SPOCK3: variants seen among roughly 807,000 people sequenced by gnomAD.
SPOCK3 encodes testican-3.
A neutral mutation model predicts 56.6 loss-of-function variants in SPOCK3; 30 were observed. The observed-to-expected ratio is 0.53, with a 90% CI of 0.40 to 0.72. The LOEUF is 0.72. SPOCK3 is among the 30% of genes least tolerant of loss of function. The pLI, the probability that SPOCK3 is intolerant of heterozygous loss-of-function variation, is 0.00. For synonymous variants in SPOCK3, 196 were observed against 183.3 expected (o/e 1.07, Z -0.56); for missense variants, 527 against 530.0 (o/e 0.99, Z 0.06).
At chr4:166,985,599 A>G (rs1747066163) in intron 4 of SPOCK3, among the ~76,000 whole-genome samples, 1 of 152,162 alleles carries the variant, frequency 6.6e-6, no homozygotes, top group African/African-American at 2.4e-5. Context: ...AACCTGTTCT[A>G]CAATATTACA....
At chr4:167,133,810 T>C (rs1275248629) in intron 2 of SPOCK3, among the ~76,000 whole-genome samples, 1 of 152,006 alleles carries the variant, frequency 6.6e-6, no homozygotes, top group Non-Finnish European at 1.5e-5. Flanking sequence ...ATTAGTAAGG[T>C]TGTGTCCAAA....
At chr4:166,971,447 C>CAAA (rs1195051879) in intron 4 of SPOCK3, among the ~76,000 whole-genome samples, 24 of 151,162 alleles carry the variant, frequency 1.6e-4, no homozygotes, top group Non-Finnish European at 2.4e-4. Context: ...ACATTCATGT[C>CAAA]TGTGGCTTTT....
intron 2 of SPOCK3, among the ~76,000 whole-genome samples, chr4:167,158,898 G>A (rs1162038064): frequency 1.3e-5 from 2 of 151,896 alleles, no homozygotes; most frequent in Admixed American, 6.6e-5. Context: ...AAAGATCTCA[G>A]TAACAGTAAA....
intron 7 of SPOCK3, among the ~76,000 whole-genome samples, chr4:166,766,274 A>C (rs1197781472): frequency 2.0e-5 from 3 of 152,336 alleles, no homozygotes; most frequent in African/African-American, 7.2e-5. Context: ...CCAGTTTTCA[A>C]AGGGAATGCT....
At chr4:166,821,530 T>C (rs1205423133) in intron 6 of SPOCK3, among the ~76,000 whole-genome samples, 34 of 152,054 alleles carry the variant, frequency 2.2e-4, no homozygotes. Flanking sequence ...GTGGAACCTA[T>C]CCAATTTTCA....
intron 7 of SPOCK3, among the ~76,000 whole-genome samples, chr4:166,782,806 A>G (rs1740318066): frequency 6.6e-6 from 1 of 152,202 alleles, no homozygotes; most frequent in South Asian, 2.1e-4. Flanking sequence ...TAAAGATTTA[A>G]GTGCAAAAAA....
Position 166,742,209 on chromosome 4 carries a change from T to A in SPOCK3, c.932-150A>T, listed in dbSNP as rs547869537. The A allele has an allele frequency of 6.7e-6, 4 of 593,668 alleles. No individual in the cohort carries two copies. The African/African-American group carries it at 7.5e-5, about 11-fold the overall frequency. The allele number at this position is 593,668 out of a possible 1,614,324, so 36.8% of individuals were successfully genotyped here. A position where few individuals can be genotyped will look rare whatever the true frequency, so the allele number is the denominator to read the frequency against. ...GTTTACTTATAAAGATACATTCATA[T>A]AGGTACATACATGTGTCTATCTATC... On this transcript the variant is annotated intron_variant, in intron 8 of 10. Transcript: ENST00000357545.
rs1216937543 is a variant in SPOCK3 at position 166,753,522 on chromosome 4, T to C, written c.931+986A>G. 1.3e-5 allele frequency among the ~76,000 whole-genome samples: 2 copies of C among 152,028 alleles called. 1 individual carries two copies. The highest frequency in any genetic ancestry group is 4.1e-4 in the South Asian group (2 of 4,828). On this transcript the variant is annotated intron_variant, in intron 8 of 10. Transcript: ENST00000357545. Reference sequence around the variant, plus strand: ...TCTGTTGACTCACCACTAATCAATTTATGCATATTCATTTCATCCCTAATT... The same window carrying C: ...TCTGTTGACTCACCACTAATCAATTCATGCATATTCATTTCATCCCTAATT...
At chr4:166,973,205 T>A (rs1730488490) in intron 4 of SPOCK3, among the ~76,000 whole-genome samples, 1 of 152,120 alleles carries the variant, frequency 6.6e-6, no homozygotes, top group Admixed American at 6.6e-5. Flanking sequence ...TCCCACTGCC[T>A]TGGGAAGAAG....
At chr4:167,139,351 T>C (rs1426489030) in intron 2 of SPOCK3, among the ~76,000 whole-genome samples, 1 of 152,030 alleles carries the variant, frequency 6.6e-6, no homozygotes, top group Middle Eastern at 3.4e-3. Flanking sequence ...AAAAGAAATA[T>C]ACAAAAAAAA....
chr4:166,914,060 C>T (rs1194602928), intron 4 of SPOCK3, among the ~76,000 whole-genome samples: 1 of 123,202 alleles, frequency 8.1e-6, no homozygotes, highest in African/African-American at 2.9e-5. Context: ...GTAGCAGATA[C>T]AAATTAAAAA....
intron 6 of SPOCK3, among the ~76,000 whole-genome samples, chr4:166,830,660 G>A (rs907157680): frequency 4.6e-5 from 7 of 152,098 alleles, no homozygotes; most frequent in Non-Finnish European, 5.9e-5. Context: ...CTTGAACCCT[G>A]GAGGTAGAGG....
chr4:166,790,621 A>G (rs892013959), intron 7 of SPOCK3, among the ~76,000 whole-genome samples: 3 of 152,174 alleles, frequency 2.0e-5, no homozygotes, highest in African/African-American at 7.2e-5. Flanking sequence ...CATGGAATTT[A>G]TTGACACATG....
intron 3 of SPOCK3, among the ~76,000 whole-genome samples, chr4:167,000,941 T>C (rs751518948): frequency 7.9e-5 from 12 of 152,298 alleles, no homozygotes; most frequent in Non-Finnish European, 1.8e-4. Flanking sequence ...AAAAATAGTC[T>C]AGAGCTGTAT....
chr4:166,812,440 T>A (rs923634143), intron 6 of SPOCK3, among the ~76,000 whole-genome samples: 2 of 151,902 alleles, frequency 1.3e-5, no homozygotes, highest in Non-Finnish European at 2.9e-5. Flanking sequence ...AAAGTAACTG[T>A]TCATTCACAT....
At chr4:167,089,876 G>A (rs1361030708) in intron 2 of SPOCK3, among the ~76,000 whole-genome samples, 3 of 152,068 alleles carry the variant, frequency 2.0e-5, no homozygotes, top group Non-Finnish European at 2.9e-5. Flanking sequence ...TATACAAATG[G>A]AATAATGGAG....
chr4:167,126,567 G>A (rs914922937), intron 2 of SPOCK3, among the ~76,000 whole-genome samples: 53 of 150,208 alleles, frequency 3.5e-4, no homozygotes, highest in Middle Eastern at 3.3e-3. Context: ...AACAAAAAAA[G>A]TTCATTGCCA....
rs137998258 is a variant in SPOCK3 at position 166,821,532 on chromosome 4, C to T, written c.590-29243G>A. ...CAACAACCAAAAAGTGGAACCTATC[C>T]AATTTTCATTTCCTGGTAAATGGAT... On this transcript the variant is annotated intron_variant, in intron 6 of 10. Coordinates refer to ENST00000357545, the MANE Select transcript of SPOCK3 (RefSeq NM_001040159.2). Among the ~76,000 whole-genome samples the T allele has an allele frequency of 2.0e-5, 3 of 152,112 alleles. No individual in the cohort carries two copies. In the East Asian group the frequency reaches 5.8e-4, roughly 30 times the overall value.
intron 3 of SPOCK3, among the ~76,000 whole-genome samples, chr4:167,061,214 A>G (rs1455686196): frequency 6.6e-6 from 1 of 151,984 alleles, no homozygotes; most frequent in Non-Finnish European, 1.5e-5. Context: ...GACAAATTCC[A>G]TAGCTAACAC....
Sources: allele counts gnomAD v4.1 joint callset (sites outside exome capture counted in the v4.1 genomes callset), GRCh38; gene constraint gnomAD v4.1.1; transcripts MANE v1.5; gene names NCBI Gene and HGNC (gene_info 2026-07-23, HGNC 2026-07-21).